Variants in ANKAR observed in about 807,000 individuals in gnomAD.
ANKAR encodes ankyrin and armadillo repeat-containing protein.
Under a neutral mutation model 146.2 loss-of-function variants are expected in ANKAR, and 136 were observed. That is an observed-to-expected ratio of 0.93 (90% confidence interval 0.81 to 1.07). The LOEUF (loss-of-function observed/expected upper bound fraction) is 1.07, where lower values mean the gene tolerates loss of function less well. ANKAR is among the 50% of genes least tolerant of loss of function. ANKAR has a pLI of 0.00. For synonymous variants in ANKAR, 500 were observed against 575.8 expected (o/e 0.87, Z 1.88); for missense variants, 1,567 against 1,679.9 (o/e 0.93, Z 1.18).
chr2:189,719,337 C>T (rs2040966930), intron 10 of ANKAR, among the ~76,000 whole-genome samples: 1 of 152,110 alleles, frequency 6.6e-6, no homozygotes, highest in South Asian at 2.1e-4. Flanking sequence ...AATGTTTGAT[C>T]ATGCTCTGTG....
intron 10 of ANKAR, among the ~76,000 whole-genome samples, chr2:189,718,782 G>A (rs1165983198): frequency 7.2e-6 from 1 of 138,620 alleles, no homozygotes; most frequent in South Asian, 2.2e-4. Flanking sequence ...TCGCTCTGTC[G>A]CCCAGGCCGG....
chr2:189,755,159 T>C (rs1283258829), intron 18 of ANKAR: 19 of 1,591,334 alleles, frequency 1.2e-5, no homozygotes, highest in South Asian at 8.2e-5. Flanking sequence ...ATGGAGAAAT[T>C]AATTCTTAAT....
chr2:189,755,436 T>A (rs1412279491), intron 18 of ANKAR: 1 of 1,608,822 alleles, frequency 6.2e-7, no homozygotes. Flanking sequence ...CCTGGTTTTA[T>A]GGTAGTTGCA....
chr2:189,722,478 A>G (rs931475550), intron 12 of ANKAR, among the ~76,000 whole-genome samples: 3 of 152,126 alleles, frequency 2.0e-5, no homozygotes, highest in Non-Finnish European at 4.4e-5. Context: ...AAATTTAAAG[A>G]TAGGGACTAG....
At chr2:189,679,366 A>G (rs183355650) in intron 2 of ANKAR, among the ~76,000 whole-genome samples, 2 of 152,294 alleles carry the variant, frequency 1.3e-5, no homozygotes, top group Admixed American at 1.3e-4. Flanking sequence ...TTTTTAGATG[A>G]ATCCTTAGGG....
intron 12 of ANKAR, among the ~76,000 whole-genome samples, chr2:189,722,515 C>T (rs943103035): frequency 6.6e-6 from 1 of 151,912 alleles, no homozygotes; most frequent in Admixed American, 6.6e-5. Flanking sequence ...TTCCTTTTCT[C>T]AATCCCAGAT....
Position 189,689,500 on chromosome 2 carries a change from C to T in ANKAR, c.602-27C>T, listed in dbSNP as rs150331064. ...AAGCCAAATATGAAATTTTCACTATCTAAAATTTTCCTTTTTTATCATGAA... is the reference window on the plus strand; with the variant it reads ...AAGCCAAATATGAAATTTTCACTATTTAAAATTTTCCTTTTTTATCATGAA... On this transcript the variant is annotated intron_variant, in intron 2 of 22. Coordinates refer to ENST00000684021, the MANE Select transcript of ANKAR (RefSeq NM_001378068.1). 4.7e-5 allele frequency: 72 copies of T among 1,515,944 alleles called. No individual in the cohort carries two copies. The African/African-American group carries it at 8.4e-4, about 18-fold the overall frequency. The allele number at this position is 1,515,944 out of a possible 1,614,324, so 93.9% of individuals were successfully genotyped here.
chr2:189,738,562 C>T lies in ANKAR; in HGVS notation c.3583-3C>T. ...AGACTCTCTGCTTCTTTTCTGTTTT[C>T]AGATTGTTGTACTGGCTAAAGTCAT... On this transcript the variant is annotated splice_region_variant and splice_polypyrimidine_tract_variant and intron_variant, in intron 18 of 22. Coordinates refer to ENST00000684021, the MANE Select transcript of ANKAR (RefSeq NM_001378068.1). 6.5e-7 allele frequency: 1 copy of T among 1,546,264 alleles called. No individual in the cohort carries two copies. Among genetic ancestry groups the T allele is most frequent in the Non-Finnish European group, 8.8e-7 (1 of 1,134,156 alleles).
chr2:189,752,767 T>C, intron 18 of ANKAR: 1 of 1,613,454 alleles, frequency 6.2e-7, no homozygotes, highest in Non-Finnish European at 8.5e-7. Context: ...CTCCAAGATC[T>C]GAAGGAAGAA....
chr2:189,721,744 A>T (rs1185208239), intron 12 of ANKAR, among the ~76,000 whole-genome samples: 1 of 152,208 alleles, frequency 6.6e-6, no homozygotes, highest in African/African-American at 2.4e-5. Context: ...GGGGAAGAGA[A>T]AATTGAGAAG....
chr2:189,744,809 C>A, intron 22 of ANKAR, 21 bp downstream of exon 22: 2 of 1,519,082 alleles, frequency 1.3e-6, no homozygotes, highest in Non-Finnish European at 1.8e-6. Flanking sequence ...TTTCTTTTAT[C>A]TATGAAGTAC....
At chr2:189,720,052 T>C (rs1025303919) in intron 11 of ANKAR, among the ~76,000 whole-genome samples, 1 of 152,156 alleles carries the variant, frequency 6.6e-6, no homozygotes, top group African/African-American at 2.4e-5. Flanking sequence ...CTTCTTGCTG[T>C]TTACCAATTA....
At chr2:189,692,767 G>A in intron 4 of ANKAR, 1 of 249,900 alleles carries the variant, frequency 4.0e-6, no homozygotes. Context: ...TTTCCTCAAA[G>A]AATCAGGATT....
intron 18 of ANKAR, among the ~76,000 whole-genome samples, chr2:189,758,366 A>C (rs995962175): frequency 4.0e-5 from 6 of 151,770 alleles, no homozygotes; most frequent in African/African-American, 1.5e-4. Context: ...GGGCAACAAG[A>C]GCAAAACTCC....
chr2:189,754,188 A>G (rs756305643), intron 18 of ANKAR: 3 of 1,613,842 alleles, frequency 1.9e-6, no homozygotes, highest in Non-Finnish European at 2.5e-6. Context: ...AACGTGTTGA[A>G]GTCCAGTAAA....
chr2:189,702,996 G>T (rs1420814526), intron 7 of ANKAR, among the ~76,000 whole-genome samples: 1 of 152,186 alleles, frequency 6.6e-6, no homozygotes, highest in Non-Finnish European at 1.5e-5. Context: ...AATTATGCTA[G>T]TGCAACAGAC....
intron 12 of ANKAR, among the ~76,000 whole-genome samples, chr2:189,723,600 A>G (rs4666782): frequency 0.039 from 5,970 of 152,212 alleles, 150 homozygotes; most frequent in Admixed American, 0.058. Context: ...GATGTTATAC[A>G]ATATGTAGTA....
chr2:189,736,946 C>G (rs766938640), intron 17 of ANKAR, among the ~76,000 whole-genome samples: 1 of 151,686 alleles, frequency 6.6e-6, no homozygotes, highest in Non-Finnish European at 1.5e-5. Context: ...TGGTGGCACA[C>G]GCCTTTGGTC....
chr2:189,675,917 A>G (rs1048216846), intron 1 of ANKAR: 1 of 153,158 alleles, frequency 6.5e-6, no homozygotes, highest in Non-Finnish European at 1.5e-5. Flanking sequence ...CTTTCTCTCT[A>G]TTGTTCCGTC....
Sources: allele counts gnomAD v4.1 joint callset (sites outside exome capture counted in the v4.1 genomes callset), GRCh38; gene constraint gnomAD v4.1.1; transcripts MANE v1.5; gene names NCBI Gene and HGNC (gene_info 2026-07-23, HGNC 2026-07-21).